Variants in PACRG observed in about 807,000 individuals in gnomAD.
PACRG encodes parkin coregulated gene protein.
A neutral mutation model predicts 29.7 loss-of-function variants in PACRG; 29 were observed. The observed-to-expected ratio is 0.98, with a 90% confidence interval of 0.73 to 1.33. PACRG has a LOEUF of 1.33. Among genes scored for constraint, PACRG ranks in the 40% most tolerant of loss-of-function variants. PACRG has a pLI of 0.00. For missense variants in PACRG, 279 were observed against 316.2 expected (o/e 0.88, Z 0.89); for synonymous variants, 116 against 118.7 (o/e 0.98, Z 0.15).
intron 2 of PACRG, among the ~76,000 whole-genome samples, chr6:162,997,255 C>T (rs1360504660): frequency 6.6e-6 from 1 of 152,100 alleles, no homozygotes; most frequent in Non-Finnish European, 1.5e-5. Context: ...GATTTGTTTG[C>T]CCTAAGATAT....
At chr6:162,886,935 T>C (rs1406120442) in intron 2 of PACRG, among the ~76,000 whole-genome samples, 2 of 152,090 alleles carry the variant, frequency 1.3e-5, no homozygotes, top group African/African-American at 4.8e-5. Flanking sequence ...TGAGACAGAG[T>C]CTCACCCTGT....
At chr6:163,004,777 G>A (rs1418798013) in intron 2 of PACRG, among the ~76,000 whole-genome samples, 3 of 143,600 alleles carry the variant, frequency 2.1e-5, no homozygotes, top group African/African-American at 8.7e-5. Flanking sequence ...TTTAATCTAT[G>A]TATGGGATTT....
At chr6:162,960,069 C>T (rs1800483666) in intron 2 of PACRG, among the ~76,000 whole-genome samples, 1 of 152,180 alleles carries the variant, frequency 6.6e-6, no homozygotes, top group South Asian at 2.1e-4. Context: ...CATCTCACAC[C>T]TGTCAGAATG....
chr6:162,808,234 C>A lies in PACRG; in HGVS notation c.157-5913C>A, dbSNP rs190631443. Among the ~76,000 whole-genome samples the A allele has an allele frequency of 2.7e-3, 411 of 152,310 alleles. 1 individual carries two copies. Among genetic ancestry groups the A allele is most frequent in the African/African-American group, 9.4e-3 (391 of 41,588 alleles). On this transcript the variant is annotated intron_variant, in intron 1 of 4. Transcript: ENST00000366888. Reference sequence around the variant, plus strand: ...CATTCCTGAGACTAACAGTCCAGTCCTGACAGAACTCAAGTCAACAGGTCT... The same window carrying A: ...CATTCCTGAGACTAACAGTCCAGTCATGACAGAACTCAAGTCAACAGGTCT...
At chr6:162,900,169 AG>A (rs1278135566) in intron 2 of PACRG, among the ~76,000 whole-genome samples, 4 of 152,128 alleles carry the variant, frequency 2.6e-5, no homozygotes, top group Admixed American at 2.6e-4. Flanking sequence ...GCTGGTATCC[AG>A]GGAGGATCGG....
chr6:162,753,990 T>C (rs987416095), intron 1 of PACRG, among the ~76,000 whole-genome samples: 3 of 152,200 alleles, frequency 2.0e-5, no homozygotes, highest in Non-Finnish European at 4.4e-5. Context: ...CAGTTCCTTA[T>C]GATGTATACT....
chr6:163,309,499 C>T (rs4708992), intron 4 of PACRG, among the ~76,000 whole-genome samples: 18,648 of 152,178 alleles, frequency 0.12, 1,394 homozygotes, highest in East Asian at 0.23. Flanking sequence ...TAACACAAAC[C>T]ATTGTTGTTA....
At chr6:162,804,976 C>T (rs1333110299) in intron 1 of PACRG, among the ~76,000 whole-genome samples, 3 of 152,058 alleles carry the variant, frequency 2.0e-5, no homozygotes, top group East Asian at 1.9e-4. Context: ...GCCTATTGCT[C>T]CTGGGCTTCA....
chr6:162,963,695 T>C lies in PACRG; in HGVS notation c.292-98455T>C, dbSNP rs201745240. ...ACATTTTACATATACTTTTATAAAT[T>C]TATAATTTTATACATATAAAATTAT... On this transcript the variant is annotated intron_variant, in intron 2 of 4. Transcript: ENST00000366888. Among the ~76,000 whole-genome samples, 6 of 150,716 alleles carry C rather than the reference T, an allele frequency of 4.0e-5. No individual in the cohort carries two copies. The East Asian group carries it at 1.2e-3, about 29-fold the overall frequency.
intron 4 of PACRG, among the ~76,000 whole-genome samples, chr6:163,235,241 A>G (rs1363288127): frequency 6.6e-6 from 1 of 152,166 alleles, no homozygotes; most frequent in Non-Finnish European, 1.5e-5. Flanking sequence ...CAAACCTGTC[A>G]TATTTCCCCT....
At position 162,892,536 on chromosome 6, in the gene PACRG, C is replaced by T. The variant is rs576099187; in HGVS notation, c.291+78255C>T. 4.1e-4 allele frequency among the ~76,000 whole-genome samples: 62 copies of T among 152,270 alleles called. No individual in the cohort carries two copies. The South Asian group carries it at 0.012, about 30-fold the overall frequency. On this transcript the variant is annotated intron_variant, in intron 2 of 4. Coordinates refer to ENST00000366888, the MANE Select transcript of PACRG (RefSeq NM_001080379.2). ...TCTTTACCCTAACAACTCCCCCAGGCCCACGTGGTTAGTGCACCCCCGTGA... is the reference window on the plus strand; with the variant it reads ...TCTTTACCCTAACAACTCCCCCAGGTCCACGTGGTTAGTGCACCCCCGTGA...
rs138546504 is a variant in PACRG, at chr6:163,313,305, C to T, written c.614-1522C>T. On this transcript the variant is annotated intron_variant, in intron 4 of 4. Transcript: ENST00000366888. ...ACATGCACTACAGTTGTGTGACTCACAATCTTTTTTTTTCTGAAAATTAGT... is the reference window on the plus strand; with the variant it reads ...ACATGCACTACAGTTGTGTGACTCATAATCTTTTTTTTTCTGAAAATTAGT... 8.0e-3 allele frequency among the ~76,000 whole-genome samples: 1,218 copies of T among 152,052 alleles called. 16 individuals are homozygous for T. Among genetic ancestry groups the T allele is most frequent in the African/African-American group, 0.027 (1,118 of 41,456 alleles).
intron 2 of PACRG, among the ~76,000 whole-genome samples, chr6:162,827,871 C>T (rs574108853): frequency 3.3e-5 from 5 of 152,098 alleles, no homozygotes; most frequent in African/African-American, 4.8e-5. Flanking sequence ...TCCTGACTTT[C>T]CCAGGCCAGA....
At chr6:162,918,310 C>G (rs1796836320) in intron 2 of PACRG, among the ~76,000 whole-genome samples, 1 of 152,116 alleles carries the variant, frequency 6.6e-6, no homozygotes, top group African/African-American at 2.4e-5. Context: ...ATATGAATAC[C>G]AAATGAACTC....
intron 4 of PACRG, among the ~76,000 whole-genome samples, chr6:163,299,482 G>C (rs551331299): frequency 1.3e-5 from 2 of 152,258 alleles, no homozygotes; most frequent in Non-Finnish European, 2.9e-5. Flanking sequence ...TGGCGTCCTC[G>C]AGGCCAGGAA....
chr6:162,893,589 A>G (rs1427752811), intron 2 of PACRG, among the ~76,000 whole-genome samples: 4 of 152,136 alleles, frequency 2.6e-5, no homozygotes, highest in African/African-American at 9.7e-5. Context: ...CACTCCTTGT[A>G]TGGGAGGGAG....
At chr6:163,298,052 C>G (rs1456583939) in intron 4 of PACRG, among the ~76,000 whole-genome samples, 2 of 152,198 alleles carry the variant, frequency 1.3e-5, no homozygotes, top group Non-Finnish European at 2.9e-5. Flanking sequence ...TCACATCTCT[C>G]TGCTCTCTGA....
At position 162,728,126 on chromosome 6, in the gene PACRG, T is replaced by C. The variant is rs1372935049; in HGVS notation, c.-110T>C. 10 of 1,325,278 alleles carry C rather than the reference T, an allele frequency of 7.5e-6. No homozygotes were observed. The highest frequency in any genetic ancestry group is 9.4e-6 in the Non-Finnish European group (9 of 961,728). The allele number at this position is 1,325,278 out of a possible 1,614,324, so 82.1% of individuals were successfully genotyped here. ...TGGGCACTACGAGGGGTTGAATTTC[T>C]ACCATTATCGCGCCTTTTGATATTT... On this transcript the variant is annotated 5_prime_UTR_variant, in exon 1 of 5. Coordinates refer to ENST00000366888, the MANE Select transcript of PACRG (RefSeq NM_001080379.2).
intron 1 of PACRG, among the ~76,000 whole-genome samples, chr6:162,735,151 G>A (rs1325151373): frequency 6.6e-6 from 1 of 152,014 alleles, no homozygotes; most frequent in African/African-American, 2.4e-5. Context: ...TTCCTCGATG[G>A]GTATTTGTGT....
Sources: gnomAD v4.1 joint callset for allele counts (sites outside exome capture counted in the v4.1 genomes callset) on GRCh38, gnomAD v4.1.1 for gene constraint, MANE v1.5 for transcripts, NCBI Gene and HGNC (gene_info 2026-07-23, HGNC 2026-07-21) for gene names.